Variants in UBE2K observed in about 807,000 individuals in gnomAD.
The protein encoded by UBE2K is ubiquitin conjugating enzyme E2 K, also known as ubiquitin-conjugating enzyme E2 K.
In UBE2K, 6 loss-of-function variants were observed where a neutral mutation model predicts 30.0. That is an observed-to-expected ratio of 0.20 (90% CI 0.11 to 0.39). UBE2K has a LOEUF of 0.39. UBE2K is among the 10% of genes least tolerant of loss of function. The pLI is 1.00. For synonymous variants in UBE2K, 86 were observed against 83.7 expected (o/e 1.03, Z -0.15); for missense variants, 61 against 241.6 (o/e 0.25, Z 4.96).
intron 4 of UBE2K, chr4:39,771,379 A>G: frequency 1.2e-6 from 2 of 1,612,648 alleles, no homozygotes; most frequent in Non-Finnish European, 1.7e-6. Flanking sequence ...CATGTTCCGT[A>G]GCGTAGCGGC....
intron 2 of UBE2K, among the ~76,000 whole-genome samples, chr4:39,742,197 C>A (rs1215042504): frequency 3.3e-5 from 5 of 151,818 alleles, no homozygotes; most frequent in African/African-American, 1.2e-4. Context: ...AAAAAAAATT[C>A]TTAGGAAGGA....
intron 1 of UBE2K, among the ~76,000 whole-genome samples, chr4:39,722,551 T>C (rs774808334): frequency 6.6e-6 from 1 of 152,150 alleles, no homozygotes; most frequent in Non-Finnish European, 1.5e-5. Context: ...AAAATCCTTT[T>C]ACCAGGTGCA....
intron 1 of UBE2K, among the ~76,000 whole-genome samples, chr4:39,715,005 C>T (rs1274048146): frequency 1.3e-5 from 2 of 150,674 alleles, no homozygotes; most frequent in Admixed American, 1.3e-4. Context: ...ACTACAGGTA[C>T]AAGCCACCAC....
intron 1 of UBE2K, among the ~76,000 whole-genome samples, chr4:39,711,453 C>T (rs1052218309): frequency 1.3e-4 from 19 of 151,718 alleles, no homozygotes; most frequent in African/African-American, 1.7e-4. Context: ...TGAGCCACCG[C>T]GCCCGGCAGC....
chr4:39,717,307 C>T (rs1719134758), intron 1 of UBE2K, among the ~76,000 whole-genome samples: 1 of 151,136 alleles, frequency 6.6e-6, no homozygotes, highest in Non-Finnish European at 1.5e-5. Flanking sequence ...AATCTTGGCT[C>T]ATTGCAACCT....
chr4:39,728,253 G>A (rs771236909), intron 1 of UBE2K, among the ~76,000 whole-genome samples: 1 of 152,164 alleles, frequency 6.6e-6, no homozygotes, highest in Non-Finnish European at 1.5e-5. Flanking sequence ...TGGTAAGCAC[G>A]TAAGTTTGTT....
chr4:39,755,287 T>C (rs983768042), intron 3 of UBE2K, among the ~76,000 whole-genome samples: 6 of 152,214 alleles, frequency 3.9e-5, no homozygotes, highest in Admixed American at 2.6e-4. Flanking sequence ...CTGCCTCACA[T>C]GAAGAAAAGT....
chr4:39,734,365 G>A (rs532031745), intron 1 of UBE2K, among the ~76,000 whole-genome samples: 12 of 152,134 alleles, frequency 7.9e-5, no homozygotes, highest in East Asian at 5.8e-4. Context: ...ACGAGCCACC[G>A]CATGCACCTG....
At chr4:39,756,334 C>CT (rs1721516619) in intron 4 of UBE2K, among the ~76,000 whole-genome samples, 2 of 152,204 alleles carry the variant, frequency 1.3e-5, no homozygotes, top group South Asian at 4.1e-4. Flanking sequence ...AGCAAATTAC[C>CT]TAAAGTCTGT....
chr4:39,746,499 C>A (rs1261369910), intron 3 of UBE2K, among the ~76,000 whole-genome samples: 2 of 152,150 alleles, frequency 1.3e-5, no homozygotes, highest in Non-Finnish European at 2.9e-5. Context: ...TCTACTCATT[C>A]TCTGCACTGT....
At chr4:39,749,900 A>T (rs1382972600) in intron 3 of UBE2K, among the ~76,000 whole-genome samples, 1 of 152,188 alleles carries the variant, frequency 6.6e-6, no homozygotes, top group Non-Finnish European at 1.5e-5. Flanking sequence ...TCTCAAAAAT[A>T]AATAAAAATA....
chr4:39,704,898 G>A (rs1718249892), intron 1 of UBE2K, among the ~76,000 whole-genome samples: 1 of 140,822 alleles, frequency 7.1e-6, no homozygotes, highest in African/African-American at 2.6e-5. Context: ...TTTAGACGGA[G>A]TCTCCCTCTG....
At chr4:39,754,132 C>G (rs545126034) in intron 3 of UBE2K, among the ~76,000 whole-genome samples, 2 of 152,230 alleles carry the variant, frequency 1.3e-5, no homozygotes, top group African/African-American at 2.4e-5. Context: ...TTAAAGGGCT[C>G]TCTTTAGTTT....
intron 5 of UBE2K, among the ~76,000 whole-genome samples, chr4:39,777,070 G>A (rs188775707): frequency 1.3e-3 from 195 of 152,286 alleles, no homozygotes; most frequent in African/African-American, 4.5e-3. Context: ...AGTAATGGTG[G>A]TTCCAAAGTA....
chr4:39,782,364 A>T lies in UBE2K; in HGVS notation c.*3930A>T, dbSNP rs901193098. The T allele has an allele frequency of 1.7e-4, 29 of 170,626 alleles. No homozygotes were observed. The highest frequency in any genetic ancestry group is 2.6e-4 in the Non-Finnish European group (21 of 80,526). The allele number at this position is 170,626 out of a possible 1,614,324, so 10.6% of individuals were successfully genotyped here. ...GAAAGAGACTTATTTAATGTAATTT[A>T]AAAAACTTTTCCAATAGAAAATGAA... On this transcript the variant is annotated 3_prime_UTR_variant, in exon 7 of 7. Coordinates refer to ENST00000261427, the MANE Select transcript of UBE2K (RefSeq NM_005339.5).
intron 3 of UBE2K, among the ~76,000 whole-genome samples, chr4:39,752,412 C>G (rs549177718): frequency 1.4e-4 from 19 of 139,162 alleles, no homozygotes; most frequent in African/African-American, 5.1e-4. Flanking sequence ...TCTCGGCTCA[C>G]TGCAAGCTCC....
intron 4 of UBE2K, among the ~76,000 whole-genome samples, chr4:39,765,855 C>A (rs1712286772): frequency 6.6e-6 from 1 of 151,960 alleles, no homozygotes; most frequent in South Asian, 2.1e-4. Context: ...TGCCTGTAAC[C>A]CCAGCACTTT....
Position 39,779,861 on chromosome 4 carries a change from C to G in UBE2K, c.*1427C>G, listed in dbSNP as rs1412679499. 1 of 152,080 alleles carries G rather than the reference C, an allele frequency of 6.6e-6. No homozygotes were observed. The highest frequency in any genetic ancestry group is 1.5e-5 in the Non-Finnish European group (1 of 68,000). The allele number at this position is 152,080 out of a possible 1,614,324, so 9.4% of individuals were successfully genotyped here. ...AGTCATATTATAAAAGGTTTGCTTT[C>G]TTTAAGTGTTATTTATCTTAAATTA... is the stretch of plus-strand genomic sequence containing the variant. On this transcript the variant is annotated 3_prime_UTR_variant, in exon 7 of 7. Transcript: ENST00000261427.
At chr4:39,770,482 C>T (rs559987026) in intron 4 of UBE2K, 1 of 1,610,734 alleles carries the variant, frequency 6.2e-7, no homozygotes, top group East Asian at 2.2e-5. Flanking sequence ...AAGGGGTTTC[C>T]ACCTGAGAAG....
Sources: gnomAD v4.1 joint callset for allele counts (sites outside exome capture counted in the v4.1 genomes callset) on GRCh38, gnomAD v4.1.1 for gene constraint, MANE v1.5 for transcripts, NCBI Gene and HGNC (gene_info 2026-07-23, HGNC 2026-07-21) for gene names.